CSTL1: variants seen among roughly 807,000 people sequenced by gnomAD.
The protein encoded by CSTL1 is cystatin-like 1.
In CSTL1, 14 loss-of-function variants were observed where a neutral mutation model predicts 14.4. The ratio of observed to expected loss-of-function variants is 0.97; its 90% confidence interval spans 0.64 to 1.52. The LOEUF (loss-of-function observed/expected upper bound fraction) is 1.52, where lower values mean the gene tolerates loss of function less well. Among genes scored for constraint, CSTL1 ranks in the 40% most tolerant of loss-of-function variants. CSTL1 has a pLI of 0.00. For missense variants in CSTL1, 170 were observed against 168.7 expected (o/e 1.01, Z -0.04); for synonymous variants, 72 against 67.5 (o/e 1.07, Z -0.33).
At chr20:23,460,968 G>A in the CSTL1 span, among the ~76,000 whole-genome samples, 3 of 152,234 alleles carry the variant, frequency 2.0e-5, no homozygotes, top group South Asian at 4.1e-4. Context: ...AAACTTCACC[G>A]TGGCAATGCA....
chr20:23,450,696 C>T, the CSTL1 span: 1 of 668,494 alleles, frequency 1.5e-6, no homozygotes, highest in African/African-American at 1.8e-5. Context: ...ACCACCTCTC[C>T]ACCCCTACAA....
downstream of CSTL1, among the ~76,000 whole-genome samples, chr20:23,447,231 T>C (rs190532228): frequency 5.3e-5 from 8 of 152,214 alleles, no homozygotes; most frequent in Admixed American, 5.2e-4. Flanking sequence ...TCATACAATA[T>C]ATATTCTTTT....
chr20:23,442,457 TA>T (rs1986856651), intron 2 of CSTL1: 1 of 152,274 alleles, frequency 6.6e-6, no homozygotes. Flanking sequence ...TCTTTGCTGT[TA>T]TTATGACTAC....
the CSTL1 span, chr20:23,452,930 C>G: frequency 1.4e-6 from 1 of 689,846 alleles, no homozygotes; most frequent in African/African-American, 1.8e-5. Context: ...ACACCCACAG[C>G]TCTCCTCTCC....
At chr20:23,445,140 A>G (rs533148911), downstream of CSTL1, among the ~76,000 whole-genome samples, 6 of 151,684 alleles carry the variant, frequency 4.0e-5, no homozygotes, top group East Asian at 1.2e-3. Flanking sequence ...ACTCACTCCT[A>G]CATGTCAAGC....
At chr20:23,452,970 T>A in the CSTL1 span, 3 of 613,290 alleles carry the variant, frequency 4.9e-6, no homozygotes, top group Non-Finnish European at 5.8e-6. Context: ...GCAGCTGAAC[T>A]CGAGGGGAGA....
downstream of CSTL1, among the ~76,000 whole-genome samples, chr20:23,447,939 T>C (rs1402312554): frequency 6.6e-6 from 1 of 152,260 alleles, no homozygotes; most frequent in African/African-American, 2.4e-5. Context: ...TCTAAGTTCT[T>C]ACTTTTTGAA....
downstream of CSTL1, among the ~76,000 whole-genome samples, chr20:23,446,253 C>CTT (rs552330748): frequency 0.019 from 2,833 of 145,814 alleles, 93 homozygotes; most frequent in African/African-American, 0.066. Context: ...GCCTTTCTTT[C>CTT]TTTTTTTTTT....
chr20:23,451,002 GTCCA>G, the CSTL1 span, among the ~76,000 whole-genome samples: 1 of 150,542 alleles, frequency 6.6e-6, no homozygotes, highest in South Asian at 2.1e-4. Flanking sequence ...CCATCCATTT[GTCCA>G]TCCATTTATC....
At chr20:23,453,750 G>A in the CSTL1 span, among the ~76,000 whole-genome samples, 14 of 152,158 alleles carry the variant, frequency 9.2e-5, no homozygotes, top group African/African-American at 3.4e-4. Flanking sequence ...CACACCCAAC[G>A]CCTGTTTCGA....
chr20:23,443,946 G>A lies in CSTL1; in HGVS notation c.232G>A (p.Val78Met), dbSNP rs755324626. The stretch of plus-strand genomic sequence containing the variant: ...TGATTCTCGGCAGCTGACGACGGGA[G>A]TGGAGTATATAGTCACTGTGAAGAT... ...IRSQMQLTTG[V>M]EYIVTVKIGW... The change falls in exon 3 of 4, where the codon GTG (valine) becomes ATG (methionine). Residue 78 changes from valine to methionine, a missense_variant. Coordinates refer to ENST00000347397, the MANE Select transcript of CSTL1 (RefSeq NM_138283.1). 5.6e-6 allele frequency: 9 copies of A among 1,613,776 alleles called. No individual in the cohort carries two copies. Among genetic ancestry groups the A allele is most frequent in the Admixed American group, 3.3e-5 (2 of 60,022 alleles).
chr20:23,460,798 G>T, the CSTL1 span, among the ~76,000 whole-genome samples: 1 of 152,132 alleles, frequency 6.6e-6, no homozygotes, highest in Admixed American at 6.5e-5. Context: ...ATTAAATTTT[G>T]GGGCCCCAAG....
chr20:23,443,473 G>A (rs1048031744), intron 2 of CSTL1, among the ~76,000 whole-genome samples: 3 of 151,638 alleles, frequency 2.0e-5, no homozygotes, highest in East Asian at 2.0e-4. Context: ...AAATCAATTC[G>A]ATTCCAAAAC....
the CSTL1 span, chr20:23,451,967 C>G: frequency 1.0e-3 from 1,516 of 1,457,608 alleles, 20 homozygotes; most frequent in African/African-American, 0.019. Context: ...CCCTTCTCCC[C>G]TGTCTGCGGT....
chr20:23,452,795 C>G, the CSTL1 span: 2 of 1,613,732 alleles, frequency 1.2e-6, no homozygotes, highest in Non-Finnish European at 1.7e-6. Context: ...TAGGGCCTGC[C>G]AGGGCTCAGC....
the CSTL1 span, among the ~76,000 whole-genome samples, chr20:23,451,459 G>T: frequency 6.6e-6 from 1 of 152,198 alleles, no homozygotes; most frequent in East Asian, 1.9e-4. Context: ...GCGCGGCCTT[G>T]TCATGTTGAC....
At chr20:23,442,820 C>T (rs980068233) in intron 2 of CSTL1, among the ~76,000 whole-genome samples, 3 of 152,222 alleles carry the variant, frequency 2.0e-5, no homozygotes, top group South Asian at 2.1e-4. Context: ...GGCAAGGCAA[C>T]AGGGAGCTTC....
At chr20:23,450,452 C>A in the CSTL1 span, 2 of 1,099,024 alleles carry the variant, frequency 1.8e-6, no homozygotes, top group Non-Finnish European at 2.7e-6. Context: ...AGGATTATTG[C>A]CCATTGCAGG....
At chr20:23,452,347 C>G in the CSTL1 span, among the ~76,000 whole-genome samples, 1 of 152,198 alleles carries the variant, frequency 6.6e-6, no homozygotes, top group Non-Finnish European at 1.5e-5. Flanking sequence ...ACACGACTTA[C>G]AAAAGTGGGC....
Sources: gnomAD v4.1 joint callset for allele counts (sites outside exome capture counted in the v4.1 genomes callset) on GRCh38, gnomAD v4.1.1 for gene constraint, MANE v1.5 for transcripts, NCBI Gene and HGNC (gene_info 2026-07-23, HGNC 2026-07-21) for gene names.